Variants in HDAC9 observed in about 807,000 individuals in gnomAD.
HDAC9 encodes MEF-2 interacting transcription repressor (MITR) protein.
In HDAC9, 41 loss-of-function variants were observed where a neutral mutation model predicts 139.4. The observed-to-expected ratio is 0.29, with a 90% confidence interval of 0.23 to 0.38. HDAC9 has a LOEUF of 0.38. HDAC9 is among the 10% of genes least tolerant of loss of function. The probability of loss-of-function intolerance (pLI) is 1.00; values close to 1 mark genes in which losing one functional copy is unlikely to be tolerated. For synonymous variants in HDAC9, 517 were observed against 476.2 expected (o/e 1.09, Z -1.12); for missense variants, 1,147 against 1,297.0 (o/e 0.88, Z 1.78).
At chr7:18,642,615 A>G (rs1462087781) in intron 8 of HDAC9, among the ~76,000 whole-genome samples, 1 of 152,086 alleles carries the variant, frequency 6.6e-6, no homozygotes, top group Admixed American at 6.6e-5. Context: ...GGTGCTGAAT[A>G]TCAGTACACT....
chr7:18,288,824 A>G (rs1797619505), upstream of HDAC9, among the ~76,000 whole-genome samples: 1 of 152,272 alleles, frequency 6.6e-6, no homozygotes, highest in South Asian at 2.1e-4. Context: ...TGAGAGGATG[A>G]TGAAATATGC....
At chr7:18,709,059 C>T (rs754771081) in intron 12 of HDAC9, among the ~76,000 whole-genome samples, 1 of 145,950 alleles carries the variant, frequency 6.9e-6, no homozygotes, top group Non-Finnish European at 1.5e-5. Context: ...AAAAAGAACA[C>T]TGGACTTTGT....
At chr7:18,559,689 G>A (rs1248759536) in intron 2 of HDAC9, among the ~76,000 whole-genome samples, 4 of 152,152 alleles carry the variant, frequency 2.6e-5, no homozygotes, top group Non-Finnish European at 5.9e-5. Flanking sequence ...TAGGTGGTCT[G>A]GAATGTGGGA....
At chr7:18,612,008 A>G (rs985491019) in intron 6 of HDAC9, among the ~76,000 whole-genome samples, 26 of 152,312 alleles carry the variant, frequency 1.7e-4, no homozygotes, top group African/African-American at 5.5e-4. Context: ...ACAAACTTTC[A>G]GAACTAATTT....
intron 2 of HDAC9, among the ~76,000 whole-genome samples, chr7:18,211,568 C>T (rs908526184): frequency 3.3e-5 from 5 of 152,146 alleles, no homozygotes; most frequent in Non-Finnish European, 7.4e-5. Flanking sequence ...ATCGAGACAT[C>T]CACTAGTGTC....
At chr7:18,975,008 G>A (rs1376556652) in intron 24 of HDAC9, among the ~76,000 whole-genome samples, 1 of 152,164 alleles carries the variant, frequency 6.6e-6, no homozygotes, top group Non-Finnish European at 1.5e-5. Flanking sequence ...TCAGCACCTA[G>A]GGAGATTCTC....
At chr7:18,424,744 A>G (rs1378001621) in intron 1 of HDAC9, among the ~76,000 whole-genome samples, 3 of 152,128 alleles carry the variant, frequency 2.0e-5, no homozygotes, top group Admixed American at 2.0e-4. Flanking sequence ...CCCTGTCTCT[A>G]CTAAAAATGC....
chr7:18,615,603 A>C (rs1022417999), intron 6 of HDAC9, among the ~76,000 whole-genome samples: 8 of 152,190 alleles, frequency 5.3e-5, no homozygotes, highest in African/African-American at 1.9e-4. Flanking sequence ...TTACCGTAGA[A>C]AATTAAATGT....
chr7:18,366,445 A>G (rs1034632901), intron 1 of HDAC9, among the ~76,000 whole-genome samples: 3 of 152,156 alleles, frequency 2.0e-5, no homozygotes, highest in Admixed American at 2.0e-4. Context: ...TCTGCCCCAA[A>G]GTAACTGGCA....
chr7:18,891,011 C>T (rs1406309106), intron 22 of HDAC9, among the ~76,000 whole-genome samples: 1 of 152,154 alleles, frequency 6.6e-6, no homozygotes, highest in African/African-American at 2.4e-5. Context: ...GGTTTCATAG[C>T]ACGTATTTGT....
chr7:18,869,925 T>C (rs1563006823), intron 21 of HDAC9, among the ~76,000 whole-genome samples: 1 of 151,946 alleles, frequency 6.6e-6, no homozygotes, highest in East Asian at 1.9e-4. Context: ...AATTTCCTTA[T>C]TCCGGAAATT....
intron 17 of HDAC9, among the ~76,000 whole-genome samples, chr7:18,808,948 A>C (rs2095562915): frequency 6.6e-6 from 1 of 152,110 alleles, no homozygotes; most frequent in South Asian, 2.1e-4. Context: ...TCTGTGGCAG[A>C]GCTATAATAA....
chr7:18,948,202 G>C (rs1193169555), intron 23 of HDAC9, among the ~76,000 whole-genome samples: 1 of 151,798 alleles, frequency 6.6e-6, no homozygotes, highest in African/African-American at 2.4e-5. Flanking sequence ...GCATTGTTCA[G>C]GGAATCCTAG....
intron 2 of HDAC9, among the ~76,000 whole-genome samples, chr7:18,175,312 A>G (rs113537915): frequency 2.8e-4 from 43 of 152,294 alleles, no homozygotes; most frequent in African/African-American, 1.0e-3. Context: ...AGACTATTGG[A>G]AAAACGCAGT....
chr7:18,749,111 A>G lies in HDAC9; in HGVS notation c.2016A>G (p.Gln672=). 2 of 1,613,818 alleles carry G rather than the reference A, an allele frequency of 1.2e-6. No individual in the cohort carries two copies. Among genetic ancestry groups the G allele is most frequent in the Non-Finnish European group, 1.7e-6 (2 of 1,179,806 alleles). ...GRIQSIWSRL[Q]ETGLLNKCER... ...TACAGAGTATCTGGTCACGACTGCAAGAAACTGGGCTGCTAAATAAATGTG... is the reference window on the plus strand; with the variant it reads ...TACAGAGTATCTGGTCACGACTGCAGGAAACTGGGCTGCTAAATAAATGTG... Residue 672 remains glutamine (Q), a synonymous_variant, in exon 14 of 26, where the codon CAA becomes CAG. Transcript: ENST00000686413.
intron 13 of HDAC9, among the ~76,000 whole-genome samples, chr7:18,733,099 A>G (rs1444906912): frequency 6.9e-6 from 1 of 145,808 alleles, no homozygotes; most frequent in African/African-American, 2.5e-5. Flanking sequence ...ATACATGTGT[A>G]TATATACATA....
At chr7:18,366,143 C>T (rs577004422) in intron 1 of HDAC9, among the ~76,000 whole-genome samples, 22 of 152,034 alleles carry the variant, frequency 1.4e-4, no homozygotes, top group African/African-American at 3.9e-4. Context: ...CCTTAATTTC[C>T]GTTGCTTTAT....
chr7:18,496,079 C>G (rs542345365), intron 1 of HDAC9, 56 bp downstream of exon 1: 1 of 1,419,496 alleles, frequency 7.0e-7, no homozygotes, highest in East Asian at 2.5e-5. Context: ...CCCATTTGAG[C>G]AGAAAGGAAA....
chr7:18,835,793 TG>T (rs1322829855), intron 20 of HDAC9, 106 bp from the exon 21 acceptor site: 2 of 964,870 alleles, frequency 2.1e-6, no homozygotes, highest in African/African-American at 3.3e-5. Flanking sequence ...TTTGATGTGT[TG>T]TTTGATGTTT....
Sources: gnomAD v4.1 joint callset for allele counts (sites outside exome capture counted in the v4.1 genomes callset) on GRCh38, gnomAD v4.1.1 for gene constraint, MANE v1.5 for transcripts, NCBI Gene and HGNC (gene_info 2026-07-23, HGNC 2026-07-21) for gene names.